Variants in RAPGEF5 observed in about 807,000 individuals in gnomAD.
The protein encoded by RAPGEF5 is Rap guanine nucleotide exchange factor 5, also known as M-Ras-regulated GEF.
Under a neutral mutation model 125.2 loss-of-function variants are expected in RAPGEF5, and 65 were observed. That is an observed-to-expected ratio of 0.52 (90% CI 0.43 to 0.64). The LOEUF (loss-of-function observed/expected upper bound fraction) is 0.64. Ranked by LOEUF, RAPGEF5 falls within the 30% of genes least tolerant of loss-of-function variation. The pLI, the probability that RAPGEF5 is intolerant of heterozygous loss-of-function variation, is 0.00. For missense variants in RAPGEF5, 958 were observed against 1,048.1 expected (o/e 0.91, Z 1.19); for synonymous variants, 391 against 385.9 (o/e 1.01, Z -0.16).
Position 22,156,859 on chromosome 7 carries a change from A to G in RAPGEF5, c.1587T>C (p.Leu529=). 1 of 1,613,990 alleles carries G rather than the reference A, an allele frequency of 6.2e-7. No individual in the cohort carries two copies. ...CTCTATGCTGGAGCCAGTTCTCCTT[A>G]AGACTGAATTGGTGGAAAAGGGCTT... ...KNKALFHQFS[L]KENWLQHRGT... Residue 529 remains leucine (L), a synonymous_variant, in exon 16 of 26, where the codon CTT becomes CTC. Transcript: ENST00000665637.
intron 6 of RAPGEF5, among the ~76,000 whole-genome samples, chr7:22,287,978 A>T (rs955837577): frequency 6.6e-5 from 10 of 152,184 alleles, no homozygotes; most frequent in African/African-American, 2.4e-4. Flanking sequence ...AGTTGAAGAG[A>T]TGAAATCTTC....
intron 10 of RAPGEF5, 198 bp downstream of exon 10, chr7:22,193,717 T>C (rs940351835): frequency 1.9e-6 from 3 of 1,553,790 alleles, no homozygotes; most frequent in South Asian, 1.2e-5. Context: ...TTGCCATCCC[T>C]GTCCTTTCAC....
intron 11 of RAPGEF5, among the ~76,000 whole-genome samples, chr7:22,185,040 G>A (rs1016909765): frequency 6.6e-6 from 1 of 152,122 alleles, no homozygotes; most frequent in Non-Finnish European, 1.5e-5. Flanking sequence ...AGATTAGAAC[G>A]CTCTTAAGTG....
chr7:22,209,699 G>T (rs1785467990), intron 9 of RAPGEF5, among the ~76,000 whole-genome samples: 2 of 152,162 alleles, frequency 1.3e-5, no homozygotes, highest in Non-Finnish European at 2.9e-5. Context: ...CTGCTAATAG[G>T]TAGGGGAGGA....
intron 9 of RAPGEF5, among the ~76,000 whole-genome samples, chr7:22,207,187 A>G (rs931703019): frequency 1.3e-5 from 2 of 152,252 alleles, no homozygotes; most frequent in Non-Finnish European, 2.9e-5. Context: ...TTACAAAACA[A>G]GTAATTTCAT....
intron 6 of RAPGEF5, among the ~76,000 whole-genome samples, chr7:22,290,154 A>T (rs964050827): frequency 6.6e-6 from 1 of 152,230 alleles, no homozygotes; most frequent in Admixed American, 6.5e-5. Context: ...AGTTGACAAG[A>T]CCTAGTGTAT....
chr7:22,298,331 C>A lies in RAPGEF5; in HGVS notation c.681-7090G>T, dbSNP rs565245436. On this transcript the variant is annotated intron_variant, in intron 5 of 25. Transcript: ENST00000665637. ...TAGGTGGGATTACAGCCATGCACCA[C>A]CACGCCTGGCTAATTTTTTCATATT... Among the ~76,000 whole-genome samples, 4 of 152,152 alleles carry A rather than the reference C, an allele frequency of 2.6e-5. 1 individual carries two copies. The South Asian group carries it at 8.3e-4, about 32-fold the overall frequency.
At chr7:22,133,208 C>T (rs983537196) in intron 23 of RAPGEF5, among the ~76,000 whole-genome samples, 5 of 152,258 alleles carry the variant, frequency 3.3e-5, no homozygotes, top group East Asian at 1.9e-4. Context: ...CAGGCTGGTA[C>T]TGTCTAAGCA....
At chr7:22,323,426 CA>C (rs1477589633) in intron 1 of RAPGEF5, among the ~76,000 whole-genome samples, 3 of 152,292 alleles carry the variant, frequency 2.0e-5, no homozygotes, top group Admixed American at 1.3e-4. Flanking sequence ...AAACAAACCC[CA>C]AAGCTTCATC....
At chr7:22,284,527 C>A (rs1301096117) in intron 6 of RAPGEF5, among the ~76,000 whole-genome samples, 1 of 152,214 alleles carries the variant, frequency 6.6e-6, no homozygotes, top group Non-Finnish European at 1.5e-5. Context: ...ACTCAATCTG[C>A]CTGGCCCTTC....
At chr7:22,137,553 G>C (rs973376623) in intron 21 of RAPGEF5, among the ~76,000 whole-genome samples, 1 of 152,222 alleles carries the variant, frequency 6.6e-6, no homozygotes, top group African/African-American at 2.4e-5. Flanking sequence ...TCAGGCCTAA[G>C]GAAGAAGGGC....
intron 9 of RAPGEF5, among the ~76,000 whole-genome samples, chr7:22,218,784 A>G (rs950099856): frequency 1.2e-4 from 18 of 152,232 alleles, no homozygotes; most frequent in Non-Finnish European, 4.4e-5. Flanking sequence ...TGAGACCTAC[A>G]TCCACACTTA....
At chr7:22,278,218 T>C (rs569872206) in intron 6 of RAPGEF5, among the ~76,000 whole-genome samples, 3 of 152,284 alleles carry the variant, frequency 2.0e-5, no homozygotes, top group African/African-American at 7.2e-5. Context: ...TTTTCACCCC[T>C]TGAGATGTCT....
At chr7:22,275,244 C>T (rs533273242) in intron 6 of RAPGEF5, among the ~76,000 whole-genome samples, 1 of 152,312 alleles carries the variant, frequency 6.6e-6, no homozygotes, top group Non-Finnish European at 1.5e-5. Flanking sequence ...TAGCATGTAT[C>T]ACACTCTAAT....
rs1317236704 is a variant in RAPGEF5, at chr7:22,246,804, G to A, written c.797-15885C>T. Among the ~76,000 whole-genome samples the A allele has an allele frequency of 2.0e-5, 3 of 152,108 alleles. No homozygotes were observed. In the East Asian group the frequency reaches 5.8e-4, roughly 29 times the overall value. On this transcript the variant is annotated intron_variant, in intron 7 of 25. Transcript: ENST00000665637. ...GAGTAAAGAGACAAACTACAACATG[G>A]GGGAAAATATTTGCAAACAGTGCAT... is the stretch of plus-strand genomic sequence containing the variant.
chr7:22,206,063 G>C (rs1785389798), intron 9 of RAPGEF5, among the ~76,000 whole-genome samples: 1 of 152,188 alleles, frequency 6.6e-6, no homozygotes, highest in African/African-American at 2.4e-5. Context: ...CATTTTCCCA[G>C]AAAGAGTTCA....
chr7:22,213,630 A>C (rs1259561925), intron 9 of RAPGEF5, among the ~76,000 whole-genome samples: 1 of 152,216 alleles, frequency 6.6e-6, no homozygotes, highest in Non-Finnish European at 1.5e-5. Flanking sequence ...TTTAATACCA[A>C]TCCAACACAA....
intron 2 of RAPGEF5, among the ~76,000 whole-genome samples, chr7:22,316,489 A>T (rs13229655): frequency 0.56 from 25,732 of 46,266 alleles, 5,804 homozygotes; most frequent in Non-Finnish European, 0.58. Flanking sequence ...ATATATATAT[A>T]TTTTTTTTTT....
At chr7:22,270,802 C>A (rs1223226848) in intron 6 of RAPGEF5, among the ~76,000 whole-genome samples, 1 of 152,154 alleles carries the variant, frequency 6.6e-6, no homozygotes, top group Non-Finnish European at 1.5e-5. Flanking sequence ...AACTTGTAGT[C>A]AGATACATTA....
Sources: allele counts gnomAD v4.1 joint callset (sites outside exome capture counted in the v4.1 genomes callset), GRCh38; gene constraint gnomAD v4.1.1; transcripts MANE v1.5; gene names NCBI Gene and HGNC (gene_info 2026-07-23, HGNC 2026-07-21).